Variants in CFAP299 observed in about 807,000 individuals in gnomAD.
CFAP299 encodes the protein cilia and flagella associated protein 299, also known as cilia- and flagella-associated protein 299.
Under a neutral mutation model 27.0 loss-of-function variants are expected in CFAP299, and 21 were observed. The ratio of observed to expected loss-of-function variants is 0.78; its 90% CI spans 0.55 to 1.12. CFAP299 has a LOEUF of 1.12. CFAP299 is among the 50% of genes most tolerant of loss of function. CFAP299 has a pLI of 0.00. For synonymous variants in CFAP299, 104 were observed against 98.1 expected (o/e 1.06, Z -0.36); for missense variants, 310 against 276.6 (o/e 1.12, Z -0.86).
At chr4:80,415,560 A>G (rs553144896) in intron 2 of CFAP299, among the ~76,000 whole-genome samples, 124 of 152,294 alleles carry the variant, frequency 8.1e-4, no homozygotes, top group African/African-American at 2.8e-3. Flanking sequence ...AATAGTTAAT[A>G]TATACATGGG....
At position 80,914,419 on chromosome 4, in the gene CFAP299, C is replaced by G. The variant is rs547577919; in HGVS notation, c.477-30391C>G. On this transcript the variant is annotated intron_variant, in intron 4 of 5. Transcript: ENST00000358105. ...ACCTCAGCACTATAGACATTTGGGG[C>G]CAGATAATTTTTGTCCTGTGCATTG... Among the ~76,000 whole-genome samples, 50 of 152,074 alleles carry G rather than the reference C, an allele frequency of 3.3e-4. 1 individual carries two copies. The South Asian group carries it at 1.0e-2, about 30-fold the overall frequency.
rs1340547935 is a variant in CFAP299, at chr4:80,562,843, C to T, written c.243-20250C>T. The stretch of plus-strand genomic sequence containing the variant: ...AGAACCCACAGACTGAAAATAAAGG[C>T]GTGGAAAATAAGATTCTATGTCAAT... On this transcript the variant is annotated intron_variant, in intron 2 of 5. Transcript: ENST00000358105. Among the ~76,000 whole-genome samples the T allele has an allele frequency of 4.6e-5, 7 of 151,444 alleles. No homozygotes were observed. In the East Asian group the frequency reaches 5.8e-4, roughly 13 times the overall value.
chr4:80,476,663 T>C (rs1730287483), intron 2 of CFAP299, among the ~76,000 whole-genome samples: 1 of 152,170 alleles, frequency 6.6e-6, no homozygotes, highest in African/African-American at 2.4e-5. Context: ...ATTAATCTCA[T>C]TGTGTTCTTC....
At chr4:80,873,131 T>G (rs1183383391) in intron 4 of CFAP299, 1 of 437,234 alleles carries the variant, frequency 2.3e-6, no homozygotes, top group Admixed American at 6.4e-5. Context: ...TAATATAGCA[T>G]ATGGTAGTTA....
In CFAP299 at chr4:80,799,609, AT is replaced by A. The variant is rs1415823966; in HGVS notation, c.334-70383del. Among the ~76,000 whole-genome samples the A allele has an allele frequency of 1.2e-4, 6 of 49,802 alleles. 1 individual carries two copies. The highest frequency in any genetic ancestry group is 1.6e-4 in the Non-Finnish European group (5 of 30,856). The allele number at this position is 49,802 out of a possible 152,430, so 32.7% of individuals were successfully genotyped here. ...ATATTATATAAAATATATATTTTAT[AT>A]ATTATATATTTATAAATATATAATA... is the stretch of plus-strand genomic sequence containing the variant. On this transcript the variant is annotated intron_variant, in intron 3 of 5. Transcript: ENST00000358105.
chr4:80,794,911 C>A (rs897941885), intron 3 of CFAP299, among the ~76,000 whole-genome samples: 3 of 152,122 alleles, frequency 2.0e-5, no homozygotes, highest in South Asian at 2.1e-4. Flanking sequence ...CTGCTGCTGG[C>A]AAATGGGGCA....
chr4:80,431,667 A>T (rs1727823149), intron 2 of CFAP299, among the ~76,000 whole-genome samples: 1 of 152,126 alleles, frequency 6.6e-6, no homozygotes, highest in African/African-American at 2.4e-5. Context: ...TATAGGGAAA[A>T]GCTGTGTCTA....
intron 4 of CFAP299, among the ~76,000 whole-genome samples, chr4:80,924,010 G>T (rs968118575): frequency 2.0e-5 from 3 of 151,966 alleles, no homozygotes; most frequent in African/African-American, 7.2e-5. Flanking sequence ...ATTGATGAGA[G>T]TGAGTTTGCA....
At chr4:80,688,516 A>G (rs1402246640) in intron 3 of CFAP299, among the ~76,000 whole-genome samples, 2 of 152,258 alleles carry the variant, frequency 1.3e-5, no homozygotes, top group Admixed American at 6.5e-5. Flanking sequence ...ACAAACAGAA[A>G]GGACATCCAC....
At chr4:80,575,006 C>T (rs980527693) in intron 2 of CFAP299, among the ~76,000 whole-genome samples, 2 of 152,062 alleles carry the variant, frequency 1.3e-5, no homozygotes, top group African/African-American at 4.8e-5. Flanking sequence ...CTATCCTTTT[C>T]TATTTTTCAG....
At chr4:80,603,544 T>A (rs1171751795) in intron 3 of CFAP299, among the ~76,000 whole-genome samples, 2 of 152,198 alleles carry the variant, frequency 1.3e-5, no homozygotes, top group Non-Finnish European at 2.9e-5. Context: ...TTTAGCAATA[T>A]GTGACAATAG....
rs1304046235 is a variant in CFAP299 at position 80,800,426 on chromosome 4, A to G, written c.334-69567A>G. ...ATATATTGATATATTAATATAATATATATAATATATAATATATTGATATAT... is the reference window on the plus strand; with the variant it reads ...ATATATTGATATATTAATATAATATGTATAATATATAATATATTGATATAT... On this transcript the variant is annotated intron_variant, in intron 3 of 5. Transcript: ENST00000358105. Among the ~76,000 whole-genome samples, 26 of 64,450 alleles carry G rather than the reference A, an allele frequency of 4.0e-4. 1 individual carries two copies. Among genetic ancestry groups the G allele is most frequent in the African/African-American group, 1.7e-3 (26 of 15,012 alleles). 42.3% of individuals were successfully genotyped at this position (64,450 alleles called of 152,430 possible). A position where few individuals can be genotyped will look rare whatever the true frequency, so the allele number is the denominator to read the frequency against.
chr4:80,571,636 A>G (rs1207284396), intron 2 of CFAP299, among the ~76,000 whole-genome samples: 1 of 151,892 alleles, frequency 6.6e-6, no homozygotes, highest in Non-Finnish European at 1.5e-5. Context: ...AACCCCAAAT[A>G]TCATGGTATT....
Position 80,963,530 on chromosome 4 carries a change from A to G in CFAP299, c.620A>G (p.Asp207Gly), listed in dbSNP as rs878913451. ...TATGTATTTTAGGCGCAGCCAGGTG[A>G]CAACTCTACTAGAATCACTATCCTG... ...LNVDPKAQPG[D>G]NSTRITILTE... The change falls in exon 6 of 6, where the codon GAC (aspartate) becomes GGC (glycine). Residue 207 changes from aspartate to glycine, a missense_variant. Physicochemically the swap from Asp to Gly is moderately conservative, Grantham distance 94. Transcript: ENST00000358105. 6.3e-7 allele frequency: 1 copy of G among 1,598,778 alleles called. No homozygotes were observed. The highest frequency in any genetic ancestry group is 1.1e-5 in the South Asian group (1 of 87,778).
the CFAP299 span, among the ~76,000 whole-genome samples, chr4:80,323,923 T>C: frequency 6.6e-6 from 1 of 152,238 alleles, no homozygotes. Context: ...ATTGTAATAA[T>C]GCTTCAAGGT....
chr4:80,902,584 T>TACACACACACACAC (rs1273685186), intron 4 of CFAP299, among the ~76,000 whole-genome samples: 24 of 47,162 alleles, frequency 5.1e-4, no homozygotes, highest in Admixed American at 5.1e-3. Flanking sequence ...ATATGTAATA[T>TACACACACACACAC]ATACACACAC....
chr4:80,324,656 C>T, the CFAP299 span, among the ~76,000 whole-genome samples: 1 of 152,138 alleles, frequency 6.6e-6, no homozygotes, highest in Admixed American at 6.5e-5. Flanking sequence ...ATCAGGGATA[C>T]TAACACTGAG....
intron 2 of CFAP299, chr4:80,387,055 G>T: frequency 7.1e-7 from 1 of 1,413,262 alleles, no homozygotes; most frequent in Non-Finnish European, 1.0e-6. Flanking sequence ...TTCTAGCAGT[G>T]TGGGCAGGGG....
At chr4:80,750,716 A>G (rs17004987) in intron 3 of CFAP299, among the ~76,000 whole-genome samples, 3,221 of 152,310 alleles carry the variant, frequency 0.021, 134 homozygotes, top group African/African-American at 0.073. Context: ...TGGTGAAGAT[A>G]TCAGATAAAA....
Sources: gnomAD v4.1 joint callset for allele counts (sites outside exome capture counted in the v4.1 genomes callset) on GRCh38, gnomAD v4.1.1 for gene constraint, MANE v1.5 for transcripts, NCBI Gene and HGNC (gene_info 2026-07-23, HGNC 2026-07-21) for gene names.